The following FRMD4A variants were observed in gnomAD, a reference collection of about 807,000 sequenced individuals.
The protein encoded by FRMD4A is FERM domain-containing protein 4A.
A neutral mutation model predicts 129.1 loss-of-function variants in FRMD4A; 29 were observed. The ratio of observed to expected loss-of-function variants is 0.22; its 90% CI spans 0.17 to 0.31. The LOEUF is 0.31. FRMD4A is among the 10% of genes least tolerant of loss of function. FRMD4A has a pLI of 1.00. For missense variants in FRMD4A, 1,272 were observed against 1,375.8 expected (o/e 0.92, Z 1.19); for synonymous variants, 634 against 571.6 (o/e 1.11, Z -1.56).
chr10:13,659,269 G>C, intron 21 of FRMD4A, 54 bp downstream of exon 21: 1 of 1,501,820 alleles, frequency 6.7e-7, no homozygotes. Flanking sequence ...GGCTGACAAT[G>C]CCCAATTTTA....
intron 3 of FRMD4A, among the ~76,000 whole-genome samples, chr10:13,842,087 T>C (rs1365193628): frequency 6.6e-6 from 1 of 152,196 alleles, no homozygotes; most frequent in Non-Finnish European, 1.5e-5. Context: ...AGAGAGGCTA[T>C]TAAGCAGCTG....
In FRMD4A at chr10:13,884,174, A is replaced by ACACTCACACACACT. The variant is rs769193704; in HGVS notation, c.46-25263_46-25262insAGTGTGTGTGAGTG. On this transcript the variant is annotated intron_variant, in intron 2 of 24. Transcript: ENST00000357447. ...CACACTCTCACACACACACTCACAC[A>ACACTCACACACACT]CTCACACACACACACACACACTCAC... Among the ~76,000 whole-genome samples, 580 of 105,244 alleles carry ACACTCACACACACT rather than the reference A, an allele frequency of 5.5e-3. 15 individuals carry two copies. The highest frequency in any genetic ancestry group is 0.019 in the African/African-American group (535 of 28,072). The allele number at this position is 105,244 out of a possible 152,430, so 69.0% of individuals were successfully genotyped here.
rs999769298 is a variant in FRMD4A at position 13,993,303 on chromosome 10, A to G, written c.46-134391T>C. Among the ~76,000 whole-genome samples, 4 of 152,332 alleles carry G rather than the reference A, an allele frequency of 2.6e-5. No individual in the cohort carries two copies. In the South Asian group the frequency reaches 6.2e-4, roughly 24 times the overall value. ...TCCTCAGGGTTTAGCCAACGTTTCC[A>G]TCAGAAAAGGAGCTGTGAATCCATT... On this transcript the variant is annotated intron_variant, in intron 2 of 24. Transcript: ENST00000357447.
intron 2 of FRMD4A, among the ~76,000 whole-genome samples, chr10:13,875,720 G>A (rs552502801): frequency 3.3e-5 from 5 of 152,308 alleles, no homozygotes; most frequent in East Asian, 3.9e-4. Flanking sequence ...CCAGAAACCA[G>A]TACTTCCCAG....
In FRMD4A at chr10:13,697,911, G is replaced by A. The variant is rs564003157; in HGVS notation, c.975+3429C>T. Reference sequence around the variant, plus strand: ...GGCTCTGGGCTTCAGAGGCTGCTGGGATCTAGCAGACAACGTTTCTGATCT... The same window carrying A: ...GGCTCTGGGCTTCAGAGGCTGCTGGAATCTAGCAGACAACGTTTCTGATCT... On this transcript the variant is annotated intron_variant, in intron 14 of 24. Coordinates refer to ENST00000357447, the MANE Select transcript of FRMD4A (RefSeq NM_018027.5). Among the ~76,000 whole-genome samples the A allele has an allele frequency of 3.3e-5, 5 of 152,306 alleles. No individual in the cohort carries two copies. In the South Asian group the frequency reaches 1.0e-3, roughly 32 times the overall value.
chr10:13,941,309 A>G (rs1027023781), intron 2 of FRMD4A, among the ~76,000 whole-genome samples: 1 of 152,200 alleles, frequency 6.6e-6, no homozygotes. Context: ...GTCTGCTGCC[A>G]TATAAGACAT....
At chr10:14,235,167 T>C (rs1223033590) in intron 2 of FRMD4A, among the ~76,000 whole-genome samples, 1 of 140,222 alleles carries the variant, frequency 7.1e-6, no homozygotes, top group Non-Finnish European at 1.6e-5. Flanking sequence ...CTTTTTTTTT[T>C]GACACGGAGT....
intron 2 of FRMD4A, among the ~76,000 whole-genome samples, chr10:14,103,326 T>C (rs1364518031): frequency 6.6e-6 from 1 of 152,254 alleles, no homozygotes; most frequent in Admixed American, 6.5e-5. Context: ...GGGGTCTTAA[T>C]AGAAATCTCC....
chr10:14,295,987 G>A (rs1845995680), intron 2 of FRMD4A, among the ~76,000 whole-genome samples: 1 of 152,056 alleles, frequency 6.6e-6, no homozygotes, highest in Non-Finnish European at 1.5e-5. Flanking sequence ...GCTTTATTAA[G>A]AATTTTTTTT....
intron 2 of FRMD4A, among the ~76,000 whole-genome samples, chr10:14,090,292 C>A (rs1588952839): frequency 6.6e-6 from 1 of 152,202 alleles, no homozygotes; most frequent in South Asian, 2.1e-4. Context: ...TCATGTAGAT[C>A]TGTGCCACAC....
intron 2 of FRMD4A, among the ~76,000 whole-genome samples, chr10:13,932,370 A>G (rs1296954543): frequency 6.6e-6 from 1 of 152,062 alleles, no homozygotes; most frequent in African/African-American, 2.4e-5. Flanking sequence ...TCTGCTTCTC[A>G]TAGACAGTGT....
chr10:13,720,553 C>G (rs897409945), intron 12 of FRMD4A, among the ~76,000 whole-genome samples: 1 of 152,164 alleles, frequency 6.6e-6, no homozygotes, highest in African/African-American at 2.4e-5. Context: ...CCTGCACATT[C>G]TTATGAAGGG....
At chr10:13,734,226 G>A (rs10906457) in intron 12 of FRMD4A, among the ~76,000 whole-genome samples, 1 of 151,862 alleles carries the variant, frequency 6.6e-6, no homozygotes, top group Non-Finnish European at 1.5e-5. Context: ...TCTCCATCCT[G>A]AAGCCCCGCC....
intron 12 of FRMD4A, among the ~76,000 whole-genome samples, chr10:13,725,511 G>T (rs1476029693): frequency 2.0e-5 from 3 of 152,028 alleles, no homozygotes; most frequent in Non-Finnish European, 4.4e-5. Context: ...TGCTCTCTAA[G>T]AATTATTCAC....
chr10:13,842,395 C>T (rs1021394821), intron 3 of FRMD4A, among the ~76,000 whole-genome samples: 8 of 152,210 alleles, frequency 5.3e-5, no homozygotes, highest in Admixed American at 5.2e-4. Flanking sequence ...AACACTGAGC[C>T]AGCCTTCTGA....
intron 2 of FRMD4A, among the ~76,000 whole-genome samples, chr10:14,145,411 G>A (rs368032610): frequency 6.6e-6 from 1 of 152,150 alleles, no homozygotes; most frequent in Non-Finnish European, 1.5e-5. Context: ...TCAGAACCAC[G>A]TCTGAGCGCT....
chr10:13,936,262 G>T lies in FRMD4A; in HGVS notation c.46-77350C>A, dbSNP rs143727391. The stretch of plus-strand genomic sequence containing the variant: ...TGGACTCCTGGTTTCATGCAGCACG[G>T]TAGTCATCACTCTAAGTCATCAACA... On this transcript the variant is annotated intron_variant, in intron 2 of 24. Transcript: ENST00000357447. 4.7e-3 allele frequency among the ~76,000 whole-genome samples: 721 copies of T among 152,266 alleles called. 5 individuals are homozygous for T. Among genetic ancestry groups the T allele is most frequent in the Middle Eastern group, 0.034 (10 of 294 alleles).
chr10:13,709,392 C>T lies in FRMD4A; in HGVS notation c.760-2279G>A, dbSNP rs563576347. Among the ~76,000 whole-genome samples, 35 of 152,140 alleles carry T rather than the reference C, an allele frequency of 2.3e-4. 1 individual carries two copies. Among genetic ancestry groups the T allele is most frequent in the African/African-American group, 6.8e-4 (28 of 41,410 alleles). ...GCAGCCACAGATCGTAGCACAGTAC[C>T]GGCACAAAGTGACCTTAGATCTTAC... On this transcript the variant is annotated intron_variant, in intron 12 of 24. Transcript: ENST00000357447.
intron 2 of FRMD4A, among the ~76,000 whole-genome samples, chr10:14,001,498 G>A (rs1271651408): frequency 1.3e-5 from 2 of 152,180 alleles, no homozygotes; most frequent in African/African-American, 4.8e-5. Flanking sequence ...TGAAAACTCT[G>A]GAGTGGTACC....
Sources: allele counts gnomAD v4.1 joint callset (sites outside exome capture counted in the v4.1 genomes callset), GRCh38; gene constraint gnomAD v4.1.1; transcripts MANE v1.5; gene names NCBI Gene and HGNC (gene_info 2026-07-23, HGNC 2026-07-21).